Variants in MVP observed in about 807,000 individuals in gnomAD.
The protein encoded by MVP is major vault protein.
A neutral mutation model predicts 83.5 loss-of-function variants in MVP; 62 were observed. The ratio of observed to expected loss-of-function variants is 0.74; its 90% CI spans 0.61 to 0.92. The LOEUF (loss-of-function observed/expected upper bound fraction) is 0.92. Among genes scored for constraint, MVP ranks in the 40% least tolerant of loss-of-function variants. The pLI, the probability that MVP is intolerant of heterozygous loss-of-function variation, is 0.00. For missense variants in MVP, 1,000 were observed against 1,203.4 expected (o/e 0.83, Z 2.50); for synonymous variants, 505 against 504.1 (o/e 1.00, Z -0.02).
chr16:29,847,456 AAC>A lies in MVP; in HGVS notation c.2454+75_2454+76del, dbSNP rs570142764. The A allele has an allele frequency of 1.3e-4, 186 of 1,416,470 alleles. 1 individual carries two copies. In the African/African-American group the frequency reaches 2.3e-3, roughly 17 times the overall value. The allele number at this position is 1,416,470 out of a possible 1,614,324, so 87.7% of individuals were successfully genotyped here. On this transcript the variant is annotated intron_variant, in intron 14 of 14. Transcript: ENST00000357402. ...CCAGGAAGGCAGAGCCAAGGCGGAA[AAC>A]ACAACATCTGGAAAGATTGTGGGGA...
In MVP at chr16:29,842,704, C is replaced by T. The variant is rs575931910; in HGVS notation, c.1634+592C>T. Among the ~76,000 whole-genome samples the T allele has an allele frequency of 4.6e-5, 7 of 152,274 alleles. No homozygotes were observed. The East Asian group carries it at 1.4e-3, about 29-fold the overall frequency. ...GAACCCCAAGAAAAGGAGGGTCCTG[C>T]TCAAGTGCTGGTGCTGGGCTCCTCA... On this transcript the variant is annotated intron_variant, in intron 10 of 14. Transcript: ENST00000357402.
chr16:29,840,224 G>T lies in MVP; in HGVS notation c.956G>T (p.Gly319Val). 1 of 1,613,444 alleles carries T rather than the reference G, an allele frequency of 6.2e-7. No homozygotes were observed. Among genetic ancestry groups the T allele is most frequent in the Non-Finnish European group, 8.5e-7 (1 of 1,179,572 alleles). The change falls in exon 8 of 15, where the codon GGC becomes GTC. Residue 319 changes from glycine to valine, a missense_variant. By Grantham distance (109) the Gly-to-Val change is moderately radical. Transcript: ENST00000357402. ...CAGCCAGGAGAGCAGCTGGAACAAG[G>T]CATCCAGGATGTGTATGTGCTGTCG... ...FLQPGEQLEQ[G>V]IQDVYVLSEQ...
At chr16:29,836,308 C>T (rs2067486832) in intron 6 of MVP, among the ~76,000 whole-genome samples, 1 of 150,106 alleles carries the variant, frequency 6.7e-6, no homozygotes, top group African/African-American at 2.4e-5. Flanking sequence ...GGTGCAGTGG[C>T]TCATGCCTGT....
intron 6 of MVP, 125 bp from the exon 7 acceptor site, chr16:29,836,597 C>A: frequency 5.4e-6 from 4 of 735,636 alleles, no homozygotes; most frequent in South Asian, 2.1e-5. Flanking sequence ...AAAAAACAAT[C>A]CCTGGATTGG....
chr16:29,833,704 T>A, intron 3 of MVP, 29 bp from the exon 4 acceptor site: 4 of 1,613,294 alleles, frequency 2.5e-6, no homozygotes, highest in Non-Finnish European at 3.4e-6. Context: ...GCACTGATGG[T>A]TCTGTGTCTC....
At chr16:29,842,252 C>T in intron 10 of MVP, 140 bp downstream of exon 10, 1 of 857,284 alleles carries the variant, frequency 1.2e-6, no homozygotes, top group Non-Finnish European at 1.8e-6. Context: ...GCCTGGGTGA[C>T]AGAGCAAGAC....
In MVP at chr16:29,847,196, G is replaced by A. The variant is rs1420778253; in HGVS notation, c.2266-1G>A. The stretch of plus-strand genomic sequence containing the variant: ...AGAATGATTGATTTTTCCTCTTCCA[G>A]GAGGCTGAGCTCCAGAGGGTCCAGA... On this transcript the variant is annotated splice_acceptor_variant, in intron 13 of 14. Transcript: ENST00000357402. LOFTEE classifies it high-confidence loss of function. 6.2e-7 allele frequency: 1 copy of A among 1,612,704 alleles called. No individual in the cohort carries two copies. Among genetic ancestry groups the A allele is most frequent in the African/African-American group, 1.3e-5 (1 of 74,868 alleles).
At position 29,836,904 on chromosome 16, in the gene MVP, C is replaced by A. The variant is rs571554028; in HGVS notation, c.855C>A (p.Leu285=). Residue 285 remains leucine (L), a synonymous_variant, in exon 7 of 15, where the codon CTC becomes CTA. Coordinates refer to ENST00000357402, the MANE Select transcript of MVP (RefSeq NM_005115.5). ...TLGPHNYCVI[L]DPVGPDGKNQ... ...GCCCCCACAACTACTGCGTGATTCT[C>A]GACCCTGTCGGACCGGATGGCAAGA... is the stretch of plus-strand genomic sequence containing the variant. 1 of 1,614,018 alleles carries A rather than the reference C, an allele frequency of 6.2e-7. No homozygotes were observed. Among genetic ancestry groups the A allele is most frequent in the African/African-American group, 1.3e-5 (1 of 75,018 alleles).
intron 10 of MVP, among the ~76,000 whole-genome samples, chr16:29,843,146 G>A (rs530800528): frequency 6.6e-6 from 1 of 152,166 alleles, no homozygotes; most frequent in African/African-American, 2.4e-5. Context: ...GCCTCTATTG[G>A]TCAGAGCTCA....
At chr16:29,844,958 TGTG>T in intron 11 of MVP, 79 bp downstream of exon 11, 1 of 1,493,336 alleles carries the variant, frequency 6.7e-7, no homozygotes, top group Non-Finnish European at 9.0e-7. Context: ...TGGCATCCCT[TGTG>T]GACTGCCTGC....
At chr16:29,831,764 C>T (rs2067444042) in intron 3 of MVP, 2 of 455,040 alleles carry the variant, frequency 4.4e-6, no homozygotes, top group South Asian at 1.6e-5. Context: ...CAGTGACAAG[C>T]CCAGGCCCCA....
At chr16:29,845,199 G>GAAA (rs71373207) in intron 11 of MVP, among the ~76,000 whole-genome samples, 1 of 100,958 alleles carries the variant, frequency 9.9e-6, no homozygotes, top group African/African-American at 3.2e-5. Flanking sequence ...TGTCTCAAAA[G>GAAA]AAAAAAAAAA....
intron 3 of MVP, chr16:29,831,664 T>C (rs1283118020): frequency 2.2e-6 from 1 of 456,000 alleles, no homozygotes; most frequent in Admixed American, 2.3e-5. Context: ...CTACCAGAAG[T>C]GCCCAGCCAG....
At chr16:29,833,352 A>G in intron 3 of MVP, 1 of 196,504 alleles carries the variant, frequency 5.1e-6, no homozygotes, top group Non-Finnish European at 1.1e-5. Flanking sequence ...GCTGAAGTGC[A>G]GTGGTGCAGT....
intron 3 of MVP, chr16:29,831,918 A>G: frequency 2.9e-6 from 1 of 341,494 alleles, no homozygotes; most frequent in Admixed American, 4.0e-5. Context: ...CCTTCTGGCC[A>G]TTTAATGGTT....
chr16:29,830,815 G>T, intron 2 of MVP, 63 bp from the exon 3 acceptor site: 1 of 1,579,752 alleles, frequency 6.3e-7, no homozygotes, highest in Non-Finnish European at 8.6e-7. Flanking sequence ...CTCTCATTTG[G>T]TGTCCTCTTT....
At chr16:29,846,119 C>G (rs777895242) in intron 12 of MVP, 39 bp from the exon 13 acceptor site, 1 of 1,600,746 alleles carries the variant, frequency 6.2e-7, no homozygotes, top group Admixed American at 1.7e-5. Flanking sequence ...GGGGACTGGG[C>G]TGTCTCCCGG....
intron 1 of MVP, among the ~76,000 whole-genome samples, chr16:29,829,454 C>CAAA (rs34314929): frequency 1.4e-3 from 73 of 52,508 alleles, no homozygotes; most frequent in Non-Finnish European, 1.5e-3. Flanking sequence ...GACTCCGTCT[C>CAAA]AAAAAAAAAA....
In MVP at chr16:29,844,599, G is replaced by A. The variant is rs2067565916; in HGVS notation, c.1741G>A (p.Gly581Arg). The A allele has an allele frequency of 6.2e-7, 1 of 1,613,480 alleles. No homozygotes were observed. The highest frequency in any genetic ancestry group is 1.3e-5 in the African/African-American group (1 of 74,934). ...CAAAGCCATCGCATCCCGGGTGCGG[G>A]GGGCCGTGGCCTCTGTCACTTTCGA... Reference protein sequence around the residue: ...ACKAIASRVRGAVASVTFDDF... With the variant: ...ACKAIASRVRRAVASVTFDDF... The change falls in exon 11 of 15, where the codon GGG becomes AGG. Residue 581 changes from glycine (G) to arginine (R), a missense_variant. Physicochemically the swap from Gly to Arg is moderately radical, Grantham distance 125. Coordinates refer to ENST00000357402, the MANE Select transcript of MVP (RefSeq NM_005115.5).
Sources: allele counts gnomAD v4.1 joint callset (sites outside exome capture counted in the v4.1 genomes callset), GRCh38; gene constraint gnomAD v4.1.1; transcripts MANE v1.5; gene names NCBI Gene and HGNC (gene_info 2026-07-23, HGNC 2026-07-21).